TWSG1: variants seen among roughly 807,000 people sequenced by gnomAD.
The protein encoded by TWSG1 is twisted gastrulation protein homolog 1.
TWSG1 carries 15 observed loss-of-function variants against 23.0 expected under a neutral mutation model. The observed-to-expected ratio is 0.65, with a 90% CI of 0.44 to 1.00. TWSG1 has a LOEUF of 1.00. TWSG1 is among the 50% of genes least tolerant of loss of function. The pLI is 0.00. For synonymous variants in TWSG1, 86 were observed against 92.8 expected (o/e 0.93, Z 0.42); for missense variants, 242 against 278.7 (o/e 0.87, Z 0.94).
At chr18:9,385,943 T>C (rs988559229) in intron 3 of TWSG1, among the ~76,000 whole-genome samples, 15 of 151,614 alleles carry the variant, frequency 9.9e-5, no homozygotes, top group Non-Finnish European at 2.1e-4. Flanking sequence ...CCAAGGCGGA[T>C]GGATCACCTG....
rs546793909 is a variant in TWSG1, at chr18:9,385,465, G to T, written c.224-10815G>T. Among the ~76,000 whole-genome samples, 5 of 38,136 alleles carry T rather than the reference G, an allele frequency of 1.3e-4. 1 individual carries two copies. In the South Asian group the frequency reaches 3.5e-3, roughly 27 times the overall value. The allele number at this position is 38,136 out of a possible 152,430, so 25.0% of individuals were successfully genotyped here. On this transcript the variant is annotated intron_variant, in intron 3 of 4. Coordinates refer to ENST00000262120, the MANE Select transcript of TWSG1 (RefSeq NM_020648.6). ...GCACTTTGGGAGGCCGAGGCGGGTG[G>T]ATCATGAGGTCAGGAGATCGAGACC...
At chr18:9,342,767 T>G (rs941701453) in intron 2 of TWSG1, among the ~76,000 whole-genome samples, 9 of 152,196 alleles carry the variant, frequency 5.9e-5, no homozygotes, top group African/African-American at 2.2e-4. Flanking sequence ...CGTATCTTGT[T>G]GTTTTTAACA....
chr18:9,380,209 G>A (rs748631248), intron 3 of TWSG1, among the ~76,000 whole-genome samples: 2 of 152,148 alleles, frequency 1.3e-5, no homozygotes, highest in African/African-American at 2.4e-5. Context: ...CACTCTCCAT[G>A]TATTACTTCA....
Position 9,401,496 on chromosome 18 carries a change from T to A in TWSG1, c.*1969T>A, listed in dbSNP as rs1451931587. 6.6e-6 allele frequency: 1 copy of A among 152,130 alleles called. No homozygotes were observed. Among genetic ancestry groups the A allele is most frequent in the African/African-American group, 2.4e-5 (1 of 41,406 alleles). 9.4% of individuals were successfully genotyped at this position (152,130 alleles called of 1,614,324 possible). The stretch of plus-strand genomic sequence containing the variant: ...CTTCATTAAATTTTAAAATGTAATA[T>A]CTGTTTCCCACCCCCTACATTAGGA... On this transcript the variant is annotated 3_prime_UTR_variant, in exon 5 of 5. Transcript: ENST00000262120.
chr18:9,355,700 C>T (rs961846650), intron 2 of TWSG1, among the ~76,000 whole-genome samples: 11 of 152,142 alleles, frequency 7.2e-5, no homozygotes, highest in African/African-American at 2.7e-4. Context: ...TTTTAAATGC[C>T]ATCTATTAAA....
At chr18:9,384,491 A>T (rs2040673020) in intron 3 of TWSG1, among the ~76,000 whole-genome samples, 1 of 152,232 alleles carries the variant, frequency 6.6e-6, no homozygotes, top group Non-Finnish European at 1.5e-5. Flanking sequence ...CTAAATTCAC[A>T]TATTTTCTTC....
chr18:9,371,339 C>T (rs1451830862), intron 3 of TWSG1, among the ~76,000 whole-genome samples: 15 of 151,018 alleles, frequency 9.9e-5, no homozygotes, highest in Non-Finnish European at 1.6e-4. Flanking sequence ...CCCTGTCGCC[C>T]AGGCTGGAGT....
Position 9,399,638 on chromosome 18 carries a change from A to C in TWSG1, c.*111A>C. ...AGAATCCCAGTAAGTTAAGTTGTAA[A>C]GACTTTGGAATAAGTTTCTTTTAAA... On this transcript the variant is annotated 3_prime_UTR_variant, in exon 5 of 5. Transcript: ENST00000262120. The C allele has an allele frequency of 1.1e-6, 1 of 947,198 alleles. No individual in the cohort carries two copies. Among genetic ancestry groups the C allele is most frequent in the Non-Finnish European group, 1.5e-6 (1 of 660,700 alleles). 58.7% of individuals were successfully genotyped at this position (947,198 alleles called of 1,614,324 possible).
intron 2 of TWSG1, among the ~76,000 whole-genome samples, chr18:9,351,736 C>T (rs1175855842): frequency 6.6e-6 from 1 of 151,688 alleles, no homozygotes; most frequent in African/African-American, 2.4e-5. Context: ...CCTCTGCTTC[C>T]TGGGTTCAAG....
At chr18:9,352,860 A>C (rs11876202) in intron 2 of TWSG1, among the ~76,000 whole-genome samples, 108,926 of 151,996 alleles carry the variant, frequency 0.72, 39,097 homozygotes, top group Middle Eastern at 0.76. Context: ...GGATAAATAT[A>C]CTCCCCCTCA....
intron 3 of TWSG1, among the ~76,000 whole-genome samples, chr18:9,387,494 C>T (rs539534915): frequency 7.9e-5 from 12 of 152,000 alleles, no homozygotes; most frequent in East Asian, 1.9e-4. Context: ...AGGCCGGGCG[C>T]GATGGCTCAT....
intron 3 of TWSG1, among the ~76,000 whole-genome samples, chr18:9,361,829 G>C (rs1456916949): frequency 1.3e-5 from 2 of 152,168 alleles, no homozygotes; most frequent in African/African-American, 4.8e-5. Flanking sequence ...TACAGTTGTG[G>C]AAGAAGAGAC....
intron 2 of TWSG1, among the ~76,000 whole-genome samples, chr18:9,357,484 T>A (rs2040532246): frequency 6.6e-6 from 1 of 152,160 alleles, no homozygotes; most frequent in Non-Finnish European, 1.5e-5. Flanking sequence ...ACTCTAATAG[T>A]GTAGAAATAT....
chr18:9,367,684 C>G (rs1295849260), intron 3 of TWSG1, among the ~76,000 whole-genome samples: 1 of 152,156 alleles, frequency 6.6e-6, no homozygotes, highest in African/African-American at 2.4e-5. Context: ...GTGAACTGCA[C>G]ATACGAGGGG....
At chr18:9,371,866 G>A (rs1382454478) in intron 3 of TWSG1, among the ~76,000 whole-genome samples, 4 of 144,688 alleles carry the variant, frequency 2.8e-5, no homozygotes, top group South Asian at 2.2e-4. Context: ...CCGCCTCCCC[G>A]GTGATTCTCC....
chr18:9,344,686 G>A (rs531766709), intron 2 of TWSG1, among the ~76,000 whole-genome samples: 1 of 151,956 alleles, frequency 6.6e-6, no homozygotes, highest in South Asian at 2.1e-4. Flanking sequence ...GCACCACCAT[G>A]TCTGGTTAGC....
intron 2 of TWSG1, among the ~76,000 whole-genome samples, chr18:9,354,070 A>G (rs536241916): frequency 5.3e-4 from 81 of 152,350 alleles, no homozygotes; most frequent in African/African-American, 1.9e-3. Flanking sequence ...AGAGAGTAAT[A>G]ACTGTAATTA....
intron 3 of TWSG1, among the ~76,000 whole-genome samples, chr18:9,395,393 C>G (rs1410820076): frequency 6.6e-6 from 1 of 152,220 alleles, no homozygotes; most frequent in Non-Finnish European, 1.5e-5. Context: ...ACTCATCAGA[C>G]TTAATATCCA....
At chr18:9,369,136 T>TAAAATAAAATA (rs756323730) in intron 3 of TWSG1, among the ~76,000 whole-genome samples, 1 of 137,304 alleles carries the variant, frequency 7.3e-6, no homozygotes, top group African/African-American at 2.6e-5. Flanking sequence ...AACAAATAAA[T>TAAAATAAAATA]AAATAAAATA....
Sources: allele counts gnomAD v4.1 joint callset (sites outside exome capture counted in the v4.1 genomes callset), GRCh38; gene constraint gnomAD v4.1.1; transcripts MANE v1.5; gene names NCBI Gene and HGNC (gene_info 2026-07-23, HGNC 2026-07-21).